Variants in MKLN1 observed in about 807,000 individuals in gnomAD.
MKLN1 encodes the protein muskelin.
A neutral mutation model predicts 99.0 loss-of-function variants in MKLN1; 18 were observed. The observed-to-expected ratio is 0.18, with a 90% CI of 0.13 to 0.27. The LOEUF is 0.27. Ranked by LOEUF, MKLN1 falls within the 10% of genes least tolerant of loss-of-function variation. MKLN1 has a pLI of 1.00. For synonymous variants in MKLN1, 288 were observed against 293.2 expected, an observed-to-expected ratio of 0.98 and a Z score of 0.18; for missense variants, 621 against 875.9, an observed-to-expected ratio of 0.71 and a Z score of 3.67.
At chr7:131,223,894 G>A (rs1797097966) in intron 3 of MKLN1, among the ~76,000 whole-genome samples, 1 of 152,086 alleles carries the variant, frequency 6.6e-6, no homozygotes, top group South Asian at 2.1e-4. Flanking sequence ...AGCCTCCTGA[G>A]TAGCTGGGAT....
rs753079866 is a variant in MKLN1 at position 131,463,350 on chromosome 7, T to C, written c.1659T>C (p.Ile553=). 1.9e-6 allele frequency: 3 copies of C among 1,611,674 alleles called. No homozygotes were observed. The highest frequency in any genetic ancestry group is 2.2e-5 in the South Asian group (2 of 90,354). The stretch of plus-strand genomic sequence containing the variant: ...GAAATTCATTCTGGATTTATGACAT[T>C]GTGAGGAATAGTTGGTAAGGAACTC... ...NVRNSFWIYD[I]VRNSWSCVYK... The change falls in exon 13 of 18, where the codon ATT becomes ATC. Residue 553 remains isoleucine, a synonymous_variant. Transcript: ENST00000352689.
intron 2 of MKLN1, among the ~76,000 whole-genome samples, chr7:131,191,404 TGTG>T (rs2116383704): frequency 1.3e-5 from 2 of 152,320 alleles, no homozygotes; most frequent in East Asian, 3.9e-4. Flanking sequence ...TCTCCAGTGT[TGTG>T]GTGTGTGAGT....
At chr7:131,438,048 C>T in intron 10 of MKLN1, 51 bp downstream of exon 10, 1 of 1,367,514 alleles carries the variant, frequency 7.3e-7, no homozygotes, top group Non-Finnish European at 1.0e-6. Flanking sequence ...CTTAGTGATT[C>T]TTGCAATTAG....
intron 16 of MKLN1, chr7:131,472,205 G>A (rs972734324): frequency 6.6e-6 from 1 of 152,214 alleles, no homozygotes; most frequent in East Asian, 1.9e-4. Flanking sequence ...GCATTTGAGA[G>A]TTATGCATAG....
At chr7:131,352,757 T>C (rs1799756823) in intron 1 of MKLN1, among the ~76,000 whole-genome samples, 1 of 152,214 alleles carries the variant, frequency 6.6e-6, no homozygotes, top group South Asian at 2.1e-4. Context: ...TTCTTTTTAT[T>C]ATTTTCTGTG....
At chr7:131,222,860 CAA>C (rs375317109) in intron 3 of MKLN1, among the ~76,000 whole-genome samples, 12 of 88,618 alleles carry the variant, frequency 1.4e-4, no homozygotes, top group East Asian at 4.2e-4. Flanking sequence ...GCTAAAAATA[CAA>C]AAAAAAAAAA....
At chr7:131,236,401 C>T (rs1797321499) in intron 3 of MKLN1, among the ~76,000 whole-genome samples, 1 of 152,162 alleles carries the variant, frequency 6.6e-6, no homozygotes, top group Non-Finnish European at 1.5e-5. Flanking sequence ...TGGCTCACGC[C>T]TGTAATCTCA....
chr7:131,112,161 AT>A (rs1328269585), intron 1 of MKLN1, among the ~76,000 whole-genome samples: 2 of 152,262 alleles, frequency 1.3e-5, no homozygotes, highest in African/African-American at 4.8e-5. Flanking sequence ...AAAAAGATGT[AT>A]AATGGCATCG....
At chr7:131,426,754 CA>C (rs1795368954) in intron 8 of MKLN1, among the ~76,000 whole-genome samples, 1 of 150,902 alleles carries the variant, frequency 6.6e-6, no homozygotes, top group Non-Finnish European at 1.5e-5. Flanking sequence ...AGAATGTTTT[CA>C]TGTAACTTTT....
chr7:131,471,074 A>C, intron 16 of MKLN1, 130 bp downstream of exon 16: 1 of 617,818 alleles, frequency 1.6e-6, no homozygotes, highest in Non-Finnish European at 2.8e-6. Context: ...GTAATCTTTA[A>C]AATGTCACAG....
chr7:131,195,393 C>T (rs960329794), intron 2 of MKLN1, among the ~76,000 whole-genome samples: 4 of 151,872 alleles, frequency 2.6e-5, no homozygotes, highest in African/African-American at 9.7e-5. Context: ...TGCCTGTAAT[C>T]CCAGCTACTC....
chr7:131,271,687 C>G (rs2116558484), intron 3 of MKLN1, among the ~76,000 whole-genome samples: 1 of 151,632 alleles, frequency 6.6e-6, no homozygotes, highest in South Asian at 2.1e-4. Context: ...CTTTGGGAGG[C>G]TGACGCAGGT....
intron 3 of MKLN1, among the ~76,000 whole-genome samples, chr7:131,230,568 T>C (rs1797226878): frequency 6.6e-6 from 1 of 152,234 alleles, no homozygotes; most frequent in Non-Finnish European, 1.5e-5. Flanking sequence ...TTCTAAGATT[T>C]CCAGTTTATC....
rs748954571 is a variant in MKLN1, at chr7:131,375,412, T to C, written c.99-12T>C. On this transcript the variant is annotated splice_polypyrimidine_tract_variant and intron_variant, in intron 1 of 17. Coordinates refer to ENST00000352689, the MANE Select transcript of MKLN1 (RefSeq NM_013255.5). Reference sequence around the variant, plus strand: ...ATGTTCTCTTAATTTTTTAATACTTTCTTTATTCCAGGAACATTTTAGTGG... The same window carrying C: ...ATGTTCTCTTAATTTTTTAATACTTCCTTTATTCCAGGAACATTTTAGTGG... 67 of 1,589,476 alleles carry C rather than the reference T, an allele frequency of 4.2e-5. No individual in the cohort carries two copies. In the South Asian group the frequency reaches 5.7e-4, roughly 14 times the overall value.
chr7:131,292,413 T>TC (rs781196024), intron 3 of MKLN1, among the ~76,000 whole-genome samples: 1 of 151,952 alleles, frequency 6.6e-6, no homozygotes, highest in Admixed American at 6.6e-5. Context: ...TCGAATCATG[T>TC]CCCCCCAAAA....
intron 3 of MKLN1, among the ~76,000 whole-genome samples, chr7:131,254,580 T>C (rs965720978): frequency 3.3e-5 from 5 of 152,102 alleles, no homozygotes; most frequent in Non-Finnish European, 7.4e-5. Context: ...AGATAGAGAT[T>C]ATCAATAAAG....
At chr7:131,416,471 A>C (rs143395919) in intron 8 of MKLN1, among the ~76,000 whole-genome samples, 1 of 152,210 alleles carries the variant, frequency 6.6e-6, no homozygotes, top group African/African-American at 2.4e-5. Flanking sequence ...TTTTCAGGTC[A>C]GAGAGCCTTG....
intron 2 of MKLN1, among the ~76,000 whole-genome samples, chr7:131,193,258 T>G (rs1477331803): frequency 6.6e-6 from 1 of 152,222 alleles, no homozygotes; most frequent in Non-Finnish European, 1.5e-5. Context: ...GTTTTTTTCC[T>G]TACTATATGT....
chr7:131,409,222 C>A (rs191002283), intron 6 of MKLN1, among the ~76,000 whole-genome samples: 1 of 152,126 alleles, frequency 6.6e-6, no homozygotes, highest in East Asian at 1.9e-4. Context: ...CTGACTTTTG[C>A]TGAATTATAT....
Sources: gnomAD v4.1 joint callset for allele counts (sites outside exome capture counted in the v4.1 genomes callset) on GRCh38, gnomAD v4.1.1 for gene constraint, MANE v1.5 for transcripts, NCBI Gene and HGNC (gene_info 2026-07-23, HGNC 2026-07-21) for gene names.